The following NUDT7 variants were observed in gnomAD, a reference collection of about 807,000 sequenced individuals.
The protein encoded by NUDT7 is peroxisomal coenzyme A diphosphatase NUDT7.
A neutral mutation model predicts 13.1 loss-of-function variants in NUDT7; 19 were observed. The observed-to-expected ratio is 1.45, with a 90% confidence interval of 1.01 to 2.13. The LOEUF is 2.13. Among genes scored for constraint, NUDT7 ranks in the 30% most tolerant of loss-of-function variants. The pLI is 0.00. For missense variants in NUDT7, 360 were observed against 291.7 expected (o/e 1.23, Z -1.71); for synonymous variants, 132 against 109.7 (o/e 1.20, Z -1.27).
chr16:77,726,652 C>A (rs1376474170), intron 2 of NUDT7, among the ~76,000 whole-genome samples: 1 of 152,042 alleles, frequency 6.6e-6, no homozygotes, highest in African/African-American at 2.4e-5. Flanking sequence ...AAAGAATTAG[C>A]CAGGCATGGT....
intron 2 of NUDT7, among the ~76,000 whole-genome samples, chr16:77,732,022 T>G (rs2014333511): frequency 6.6e-6 from 1 of 152,118 alleles, no homozygotes; most frequent in Non-Finnish European, 1.5e-5. Context: ...CTACAGTTAA[T>G]TTATTATTTA....
At chr16:77,731,717 G>A (rs2014324020) in intron 2 of NUDT7, among the ~76,000 whole-genome samples, 1 of 152,142 alleles carries the variant, frequency 6.6e-6, no homozygotes, top group Non-Finnish European at 1.5e-5. Context: ...TGTTATTGTA[G>A]GAGATGAGAG....
intron 3 of NUDT7, among the ~76,000 whole-genome samples, chr16:77,739,360 G>C (rs2014587391): frequency 6.6e-6 from 1 of 152,218 alleles, no homozygotes. Flanking sequence ...GGAAAGGGAT[G>C]GGCAATTCCC....
intron 2 of NUDT7, among the ~76,000 whole-genome samples, chr16:77,726,544 C>A (rs1414325180): frequency 6.6e-6 from 1 of 152,148 alleles, no homozygotes; most frequent in Non-Finnish European, 1.5e-5. Flanking sequence ...AGCATGTAAT[C>A]CCAGCACTTT....
At chr16:77,733,636 G>C (rs1383263165) in intron 2 of NUDT7, among the ~76,000 whole-genome samples, 2 of 152,174 alleles carry the variant, frequency 1.3e-5, no homozygotes, top group African/African-American at 4.8e-5. Context: ...CAATGTCCAG[G>C]ACTGACCTTA....
Position 77,724,188 on chromosome 16 carries a change from G to T in NUDT7, c.36-1243G>T, listed in dbSNP as rs576648356. On this transcript the variant is annotated intron_variant, in intron 1 of 3. Coordinates refer to ENST00000268533, the MANE Select transcript of NUDT7 (RefSeq NM_001105663.3). ...TTCTGGCATTCCTTGGCTCACAGCA[G>T]CATCACTTCAACCTCTGCCGCCATC... 9.9e-5 allele frequency among the ~76,000 whole-genome samples: 15 copies of T among 152,186 alleles called. No homozygotes were observed. The South Asian group carries it at 3.1e-3, about 32-fold the overall frequency.
intron 3 of NUDT7, among the ~76,000 whole-genome samples, chr16:77,740,128 C>T (rs2014613170): frequency 6.6e-6 from 1 of 152,118 alleles, no homozygotes; most frequent in African/African-American, 2.4e-5. Context: ...AGAATGTTGC[C>T]TCTGCCCTCG....
chr16:77,738,308 C>T (rs1008361586), intron 3 of NUDT7, among the ~76,000 whole-genome samples: 9 of 152,180 alleles, frequency 5.9e-5, no homozygotes, highest in Admixed American at 3.3e-4. Flanking sequence ...GGAGCATTAA[C>T]AGGAAAGTGT....
At chr16:77,734,182 T>C (rs2014405041) in intron 2 of NUDT7, among the ~76,000 whole-genome samples, 1 of 152,174 alleles carries the variant, frequency 6.6e-6, no homozygotes, top group Admixed American at 6.5e-5. Flanking sequence ...ACTAAACTTT[T>C]GATAAATGTG....
At chr16:77,729,962 AACATATTACCAC>A (rs1270447564) in intron 2 of NUDT7, among the ~76,000 whole-genome samples, 1 of 118,926 alleles carries the variant, frequency 8.4e-6, no homozygotes, top group East Asian at 2.7e-4. Context: ...CTCACATAGT[AACATATTACCAC>A]ACACATTACC....
At chr16:77,741,557 T>A in intron 3 of NUDT7, 25 bp from the exon 4 acceptor site, 1 of 1,558,734 alleles carries the variant, frequency 6.4e-7, no homozygotes, top group African/African-American at 1.4e-5. Context: ...CTTCTTAATT[T>A]GTCTGTTTTG....
chr16:77,739,349 A>G (rs1385476440), intron 3 of NUDT7, among the ~76,000 whole-genome samples: 3 of 152,226 alleles, frequency 2.0e-5, no homozygotes, highest in African/African-American at 7.2e-5. Flanking sequence ...TGAGTTTTCC[A>G]GGAAAGGGAT....
intron 2 of NUDT7, among the ~76,000 whole-genome samples, chr16:77,727,839 AG>A (rs1360340704): frequency 6.6e-6 from 1 of 152,096 alleles, no homozygotes; most frequent in African/African-American, 2.4e-5. Flanking sequence ...CCTGGGCAAC[AG>A]AGCAAGACTC....
At chr16:77,723,547 CCTG>C (rs1567424705) in intron 1 of NUDT7, among the ~76,000 whole-genome samples, 1 of 151,786 alleles carries the variant, frequency 6.6e-6, no homozygotes, top group Non-Finnish European at 1.5e-5. Context: ...TATCCTCAAG[CCTG>C]ACACAAATGA....
chr16:77,726,044 G>C (rs1292546188), intron 2 of NUDT7, among the ~76,000 whole-genome samples: 1 of 152,118 alleles, frequency 6.6e-6, no homozygotes, highest in Non-Finnish European at 1.5e-5. Flanking sequence ...GCAGGATTGG[G>C]GGTGCCAAAT....
intron 2 of NUDT7, among the ~76,000 whole-genome samples, chr16:77,726,201 C>G (rs2014130984): frequency 6.6e-6 from 1 of 152,210 alleles, no homozygotes; most frequent in South Asian, 2.1e-4. Context: ...TGACTTTGGC[C>G]TCGTTACTTG....
intron 2 of NUDT7, among the ~76,000 whole-genome samples, chr16:77,725,919 C>A: frequency 6.6e-6 from 1 of 152,140 alleles, no homozygotes; most frequent in East Asian, 1.9e-4. Flanking sequence ...TTGGCCTCTA[C>A]CCACCAGATG....
chr16:77,732,930 T>C (rs1383003522), intron 2 of NUDT7, among the ~76,000 whole-genome samples: 1 of 152,210 alleles, frequency 6.6e-6, no homozygotes, highest in East Asian at 1.9e-4. Context: ...GCTGTAACAT[T>C]AGGTGTATTT....
intron 3 of NUDT7, among the ~76,000 whole-genome samples, chr16:77,737,960 T>C (rs1418766868): frequency 2.0e-5 from 3 of 152,298 alleles, no homozygotes; most frequent in East Asian, 3.9e-4. Flanking sequence ...TCTGTCTTAA[T>C]TGGGTCCTTT....
Sources: allele counts gnomAD v4.1 joint callset (sites outside exome capture counted in the v4.1 genomes callset), GRCh38; gene constraint gnomAD v4.1.1; transcripts MANE v1.5; gene names NCBI Gene and HGNC (gene_info 2026-07-23, HGNC 2026-07-21).